The following CCDC60 variants were observed in gnomAD, a reference collection of about 807,000 sequenced individuals.
CCDC60 encodes the protein coiled-coil domain-containing protein 60.
Under a neutral mutation model 63.5 loss-of-function variants are expected in CCDC60, and 54 were observed. The ratio of observed to expected loss-of-function variants is 0.85; its 90% CI spans 0.68 to 1.07. CCDC60 has a LOEUF of 1.07. Among genes scored for constraint, CCDC60 ranks in the 50% least tolerant of loss-of-function variants. CCDC60 has a pLI of 0.00. For missense variants in CCDC60, 651 were observed against 684.3 expected (o/e 0.95, Z 0.54); for synonymous variants, 206 against 238.8 (o/e 0.86, Z 1.27).
At chr12:119,452,781 T>C (rs1190290924) in intron 2 of CCDC60, among the ~76,000 whole-genome samples, 1 of 152,070 alleles carries the variant, frequency 6.6e-6, no homozygotes, top group South Asian at 2.1e-4. Flanking sequence ...CCCACAGCAA[T>C]TTTTTGGTAG....
Position 119,420,499 on chromosome 12 carries a change from G to C in CCDC60, c.91-8184G>C, listed in dbSNP as rs1956793496. 1.3e-5 allele frequency among the ~76,000 whole-genome samples: 2 copies of C among 152,206 alleles called. No homozygotes were observed. Among genetic ancestry groups the C allele is most frequent in the South Asian group, 4.2e-4 (2 of 4,816 alleles). On this transcript the variant is annotated intron_variant, in intron 1 of 13. Coordinates refer to ENST00000327554, the MANE Select transcript of CCDC60 (RefSeq NM_178499.5). The surrounding 1 kb of genome is among the most constrained non-coding windows in gnomAD (Gnocchi z 4.1). ...CATCACATGTTCTCACTTATTTGTG[G>C]GATCTACAAATCAAAACAATTGAAC...
intron 5 of CCDC60, among the ~76,000 whole-genome samples, chr12:119,492,222 G>T (rs556804214): frequency 5.3e-5 from 8 of 152,232 alleles, no homozygotes; most frequent in Non-Finnish European, 1.2e-4. Context: ...TGACAATGCT[G>T]GTAAATGTTT....
At chr12:119,381,671 G>A (rs1956009029) in intron 1 of CCDC60, among the ~76,000 whole-genome samples, 1 of 152,120 alleles carries the variant, frequency 6.6e-6, no homozygotes, top group Non-Finnish European at 1.5e-5. Flanking sequence ...CAACCCCAGT[G>A]GCACCTGCTA....
intron 1 of CCDC60, among the ~76,000 whole-genome samples, chr12:119,387,123 C>T (rs11613968): frequency 0.011 from 1,720 of 151,608 alleles, 16 homozygotes; most frequent in Non-Finnish European, 0.017. Flanking sequence ...ACCCAGTCCT[C>T]ACAAAGCTTT....
chr12:119,398,254 C>G (rs1360917036), intron 1 of CCDC60, among the ~76,000 whole-genome samples: 1 of 151,800 alleles, frequency 6.6e-6, no homozygotes, highest in Non-Finnish European at 1.5e-5. Context: ...GCTGGGGGAC[C>G]CGGCGCAACC....
intron 1 of CCDC60, among the ~76,000 whole-genome samples, chr12:119,340,902 C>G (rs1255679977): frequency 1.3e-5 from 2 of 152,164 alleles, no homozygotes; most frequent in Non-Finnish European, 2.9e-5. Context: ...AACAAAATAT[C>G]TAACAACCAC....
rs375757139 is a variant in CCDC60 at position 119,504,091 on chromosome 12, TGGGATAAA to T, written c.649-974_649-967del. 6.2e-4 allele frequency among the ~76,000 whole-genome samples: 94 copies of T among 152,254 alleles called. 1 individual carries two copies. Among genetic ancestry groups the T allele is most frequent in the African/African-American group, 2.2e-3 (92 of 41,566 alleles). ...TAGATGTCATAAAGAATCATTAGCA[TGGGATAAA>T]GGGCATTTTCGATGTCACTGAAAAA... On this transcript the variant is annotated intron_variant, in intron 6 of 13. Transcript: ENST00000327554.
chr12:119,353,671 G>A (rs1370224897), intron 1 of CCDC60, among the ~76,000 whole-genome samples: 2 of 123,212 alleles, frequency 1.6e-5, no homozygotes, highest in Admixed American at 2.2e-4. Context: ...GCAGAGGTGT[G>A]ATCTCAGCTT....
At chr12:119,376,183 C>G (rs1429759618) in intron 1 of CCDC60, among the ~76,000 whole-genome samples, 1 of 152,170 alleles carries the variant, frequency 6.6e-6, no homozygotes, top group Non-Finnish European at 1.5e-5. Context: ...GAAGCTTAGC[C>G]CACTCAATTG....
intron 2 of CCDC60, among the ~76,000 whole-genome samples, chr12:119,430,178 ACACACAC>A (rs1950199553): frequency 5.2e-5 from 1 of 19,170 alleles, no homozygotes; most frequent in African/African-American, 3.0e-4. Context: ...ACACATACAC[ACACACAC>A]ACACACACAC....
chr12:119,532,403 T>TA (rs1952873003), intron 13 of CCDC60, among the ~76,000 whole-genome samples: 12 of 100,348 alleles, frequency 1.2e-4, no homozygotes, highest in Admixed American at 4.2e-4. Context: ...GAACTATTAT[T>TA]ATTATTATTA....
intron 2 of CCDC60, among the ~76,000 whole-genome samples, chr12:119,459,472 T>C (rs1950815263): frequency 1.3e-5 from 2 of 152,190 alleles, no homozygotes; most frequent in South Asian, 2.1e-4. Flanking sequence ...TAGGTAACCA[T>C]AGTAGGAATT....
chr12:119,347,820 T>C (rs907140019), intron 1 of CCDC60, among the ~76,000 whole-genome samples: 15 of 152,218 alleles, frequency 9.9e-5, no homozygotes, highest in Non-Finnish European at 1.8e-4. Context: ...ATCGGGTTGT[T>C]GAGAGGATCA....
chr12:119,514,237 C>T lies in CCDC60; in HGVS notation c.884-2386C>T, dbSNP rs548227082. ...TGTTGCCCAGGCTGGAGTGCAGTGG[C>T]GCAGTCTCGGTTTACTGCAACCTCC... On this transcript the variant is annotated intron_variant, in intron 7 of 13. Coordinates refer to ENST00000327554, the MANE Select transcript of CCDC60 (RefSeq NM_178499.5). 4.0e-5 allele frequency among the ~76,000 whole-genome samples: 6 copies of T among 151,674 alleles called. No individual in the cohort carries two copies. In the South Asian group the frequency reaches 6.3e-4, roughly 16 times the overall value.
At chr12:119,418,804 C>T (rs925198556) in intron 1 of CCDC60, among the ~76,000 whole-genome samples, 1 of 152,190 alleles carries the variant, frequency 6.6e-6, no homozygotes, top group Non-Finnish European at 1.5e-5. Flanking sequence ...ATCAAGGGAC[C>T]ATGCATTTCA....
intron 2 of CCDC60, among the ~76,000 whole-genome samples, chr12:119,434,852 G>T (rs543096192): frequency 6.6e-6 from 1 of 152,132 alleles, no homozygotes; most frequent in Non-Finnish European, 1.5e-5. Context: ...CAGCCCACAC[G>T]CTGCCTTGTA....
At chr12:119,529,942 A>C (rs1454028148) in intron 12 of CCDC60, among the ~76,000 whole-genome samples, 3 of 152,202 alleles carry the variant, frequency 2.0e-5, no homozygotes, top group African/African-American at 7.2e-5. Context: ...ATTAAAATCA[A>C]GTCAAACAAA....
chr12:119,430,686 C>A (rs1593076329), intron 2 of CCDC60, among the ~76,000 whole-genome samples: 3 of 63,010 alleles, frequency 4.8e-5, no homozygotes, highest in African/African-American at 1.9e-4. Flanking sequence ...AAAAAAGTCA[C>A]ATGAGTCACA....
chr12:119,352,522 A>T (rs1171436948), intron 1 of CCDC60, among the ~76,000 whole-genome samples: 2 of 152,198 alleles, frequency 1.3e-5, no homozygotes, highest in Admixed American at 1.3e-4. Flanking sequence ...ATGGATGGAG[A>T]AGCTAACCCT....
Sources: gnomAD v4.1 joint callset for allele counts (sites outside exome capture counted in the v4.1 genomes callset) on GRCh38, gnomAD v4.1.1 for gene constraint, Gnocchi (gnomAD v3.1) non-coding constraint, MANE v1.5 for transcripts, NCBI Gene and HGNC (gene_info 2026-07-23, HGNC 2026-07-21) for gene names.